Variants in ADGRA1 observed in about 807,000 individuals in gnomAD.
ADGRA1 encodes the protein adhesion G protein-coupled receptor A1, also known as G-protein coupled receptor 123.
ADGRA1 carries 12 observed loss-of-function variants against 21.3 expected under a neutral mutation model. That is an observed-to-expected ratio of 0.56 (90% CI 0.36 to 0.91). ADGRA1 has a LOEUF of 0.91. Ranked by LOEUF, ADGRA1 falls within the 40% of genes least tolerant of loss-of-function variation. ADGRA1 has a pLI of 0.01. For missense variants in ADGRA1, 790 were observed against 805.6 expected (o/e 0.98, Z 0.23); for synonymous variants, 385 against 368.8 (o/e 1.04, Z -0.50).
At chr10:133,105,094 A>T (rs1007122876) in intron 5 of ADGRA1, among the ~76,000 whole-genome samples, 10 of 152,256 alleles carry the variant, frequency 6.6e-5, no homozygotes, top group African/African-American at 2.4e-4. Context: ...CATGGCCCAC[A>T]CGTTATCCAC....
chr10:133,102,308 A>C (rs749798394), intron 4 of ADGRA1: 1 of 507,452 alleles, frequency 2.0e-6, no homozygotes, highest in South Asian at 1.5e-5. Context: ...TGAGGACTTC[A>C]CCTCCTCTCC....
intron 5 of ADGRA1, among the ~76,000 whole-genome samples, chr10:133,104,399 C>A (rs183225011): frequency 6.6e-6 from 1 of 152,228 alleles, no homozygotes; most frequent in Admixed American, 6.5e-5. Flanking sequence ...GAAGACCAGG[C>A]TGGCAGCCGT....
Position 133,129,356 on chromosome 10 carries a change from C to A in ADGRA1, c.1528C>A (p.His510Asn). Reference protein sequence around the residue: ...PGREAALGPGHLEMLRRTQSL... With the variant: ...PGREAALGPGNLEMLRRTQSL... ...CAGGGAGGCAGCGCTCGGGCCCGGC[C>A]ACTTGGAGATGCTGCGGAGGACACA... Residue 510 changes from histidine (H) to asparagine (N), a missense_variant, in exon 7 of 7, where the codon CAC (histidine) becomes AAC (asparagine). His to Asn is a moderately conservative substitution (Grantham distance 68). Coordinates refer to ENST00000392607, the MANE Select transcript of ADGRA1 (RefSeq NM_001083909.3). 1 of 1,594,006 alleles carries A rather than the reference C, an allele frequency of 6.3e-7. No homozygotes were observed. Among genetic ancestry groups the A allele is most frequent in the South Asian group, 1.1e-5 (1 of 88,902 alleles).
chr10:133,092,828 A>ATAGG (rs1851622344), intron 2 of ADGRA1, among the ~76,000 whole-genome samples: 1 of 77,152 alleles, frequency 1.3e-5, no homozygotes. Context: ...AGGAAGGAAG[A>ATAGG]GAGGGAGGGA....
intron 2 of ADGRA1, among the ~76,000 whole-genome samples, chr10:133,089,500 G>A (rs1164868162): frequency 6.6e-6 from 1 of 152,220 alleles, no homozygotes; most frequent in Non-Finnish European, 1.5e-5. Context: ...CCTCCCTGAG[G>A]CACCAGCAAG....
rs1271163207 is a variant in ADGRA1, at chr10:133,127,233, G to T, written c.402G>T (p.Arg134Ser). Residue 134 changes from arginine (R) to serine (S), a missense_variant and splice_region_variant, in exon 6 of 7, where the codon AGG (arginine) becomes AGT (serine). Physicochemically the swap from Arg to Ser is moderately radical, Grantham distance 110. Coordinates refer to ENST00000392607, the MANE Select transcript of ADGRA1 (RefSeq NM_001083909.3). Reference protein sequence around the residue: ...QPPYPRQPLLRFYLVSGGVPF... With the variant: ...QPPYPRQPLLSFYLVSGGVPF... The stretch of plus-strand genomic sequence containing the variant: ...GGGTCAACGCCTTCCTCCCCGGCAG[G>T]TTTTACCTCGTCAGCGGAGGGGTCC... 1.9e-5 allele frequency: 30 copies of T among 1,579,482 alleles called. No homozygotes were observed. Among genetic ancestry groups the T allele is most frequent in the Non-Finnish European group, 2.6e-5 (30 of 1,165,800 alleles).
At chr10:133,110,628 C>G (rs560146907) in intron 5 of ADGRA1, among the ~76,000 whole-genome samples, 2 of 152,030 alleles carry the variant, frequency 1.3e-5, no homozygotes, top group African/African-American at 4.8e-5. Context: ...GAGAGAGAGT[C>G]GGTAAGAAAT....
intron 3 of ADGRA1, 115 bp from the exon 4 acceptor site, chr10:133,098,525 C>A: frequency 1.5e-6 from 2 of 1,296,294 alleles, no homozygotes; most frequent in Non-Finnish European, 2.1e-6. Context: ...CTGCCCCTGA[C>A]CCCACGGAGA....
intron 3 of ADGRA1, among the ~76,000 whole-genome samples, chr10:133,097,486 A>C (rs981006350): frequency 2.6e-5 from 4 of 152,164 alleles, no homozygotes; most frequent in African/African-American, 9.7e-5. Flanking sequence ...CAAGAACATG[A>C]GGGTGTCCAG....
chr10:133,128,793 C>T lies in ADGRA1; in HGVS notation c.965C>T (p.Pro322Leu), dbSNP rs774316166. The T allele has an allele frequency of 2.9e-5, 47 of 1,609,262 alleles. No individual in the cohort carries two copies. Among genetic ancestry groups the T allele is most frequent in the South Asian group, 4.4e-5 (4 of 90,862 alleles). Residue 322 changes from proline to leucine, a missense_variant, in exon 7 of 7, where the codon CCG becomes CTG. Transcript: ENST00000392607. ...TGGCAGTGCTGGTGGGCATGCTGCC[C>T]GCCCCGCAAGGACGCCCACCCCGCA... ...DVWQCWWACC[P>L]PRKDAHPALD... is the part of the protein sequence containing the mutation.
rs756462475 is a variant in ADGRA1, at chr10:133,125,472, G to GC, written c.402-1761_402-1760insC. Among the ~76,000 whole-genome samples the GC allele has an allele frequency of 3.1e-4, 47 of 152,306 alleles. No individual in the cohort carries two copies. In the East Asian group the frequency reaches 4.0e-3, roughly 13 times the overall value. On this transcript the variant is annotated intron_variant, in intron 5 of 6. Transcript: ENST00000392607. ...GGAGTCTCGTTCTGTCGCCCAGGCT[G>GC]GAGTGCAGTGGCGCGATCTCGGCTC...
At chr10:133,109,548 T>G (rs34068624) in intron 5 of ADGRA1, among the ~76,000 whole-genome samples, 23,337 of 151,990 alleles carry the variant, frequency 0.15, 2,086 homozygotes, top group Non-Finnish European at 0.19. Context: ...AGTGGGATGG[T>G]TACCTCCCGT....
In ADGRA1 at chr10:133,089,071, G is replaced by A. The variant is rs11101893; in HGVS notation, c.3+159G>A. The A allele has an allele frequency of 0.027, 33,226 of 1,218,542 alleles. 505 individuals are homozygous for A. Among genetic ancestry groups the A allele is most frequent in the Non-Finnish European group, 0.031 (29,992 of 973,690 alleles). The allele number at this position is 1,218,542 out of a possible 1,614,324, so 75.5% of individuals were successfully genotyped here. A position where few individuals can be genotyped will look rare whatever the true frequency, so the allele number is the denominator to read the frequency against. ...CCGGGGTGGGAGGCTCTGTGGAGTG[G>A]GGGCCGGGGACAGGCCGCGTGTCTG... On this transcript the variant is annotated intron_variant, in intron 2 of 6. Coordinates refer to ENST00000392607, the MANE Select transcript of ADGRA1 (RefSeq NM_001083909.3).
chr10:133,096,052 C>T (rs968428056), intron 2 of ADGRA1, among the ~76,000 whole-genome samples: 2 of 152,224 alleles, frequency 1.3e-5, no homozygotes, highest in African/African-American at 4.8e-5. Flanking sequence ...CCACCCTGCT[C>T]GCCTGCCTGA....
intron 5 of ADGRA1, among the ~76,000 whole-genome samples, chr10:133,125,547 C>T (rs943212500): frequency 1.3e-5 from 2 of 152,136 alleles, no homozygotes; most frequent in African/African-American, 2.4e-5. Flanking sequence ...TCTCAGCCTC[C>T]CGAGTAGCTG....
At chr10:133,099,410 C>A (rs115370339) in intron 4 of ADGRA1, among the ~76,000 whole-genome samples, 13 of 152,274 alleles carry the variant, frequency 8.5e-5, no homozygotes, top group African/African-American at 2.9e-4. Context: ...TTTGCACAGA[C>A]CCCCCAACCC....
intron 2 of ADGRA1, chr10:133,093,154 A>T: frequency 3.1e-6 from 5 of 1,596,232 alleles, no homozygotes; most frequent in African/African-American, 1.3e-5. Context: ...GGAGCTGCAG[A>T]CCTGGCCCCG....
chr10:133,121,940 T>A (rs1275286143), intron 5 of ADGRA1, among the ~76,000 whole-genome samples: 1 of 150,954 alleles, frequency 6.6e-6, no homozygotes, highest in Non-Finnish European at 1.5e-5. Flanking sequence ...CCAGTGTGTG[T>A]GTGAGTGTGC....
intron 5 of ADGRA1, among the ~76,000 whole-genome samples, chr10:133,119,600 T>C (rs1852220147): frequency 1.3e-5 from 2 of 152,228 alleles, no homozygotes; most frequent in South Asian, 2.1e-4. Flanking sequence ...ATTTCAGTAA[T>C]GTCCACGGCA....
Sources: allele counts gnomAD v4.1 joint callset (sites outside exome capture counted in the v4.1 genomes callset), GRCh38; gene constraint gnomAD v4.1.1; transcripts MANE v1.5; gene names NCBI Gene and HGNC (gene_info 2026-07-23, HGNC 2026-07-21).